Variants in DCLK1 observed in about 807,000 individuals in gnomAD.
DCLK1 encodes doublecortin like kinase 1, also known as serine/threonine-protein kinase DCLK1.
A neutral mutation model predicts 86.2 loss-of-function variants in DCLK1; 16 were observed. The observed-to-expected ratio is 0.19, with a 90% CI of 0.13 to 0.28. The LOEUF (loss-of-function observed/expected upper bound fraction) is 0.28, where lower values mean the gene tolerates loss of function less well. Ranked by LOEUF, DCLK1 falls within the 10% of genes least tolerant of loss-of-function variation. The pLI, the probability that DCLK1 is intolerant of heterozygous loss-of-function variation, is 1.00. For synonymous variants in DCLK1, 369 were observed against 370.5 expected (o/e 1.00, Z 0.05); for missense variants, 590 against 940.2 (o/e 0.63, Z 4.87).
intron 5 of DCLK1, among the ~76,000 whole-genome samples, chr13:35,859,188 A>T (rs1871247157): frequency 6.6e-6 from 1 of 152,208 alleles, no homozygotes; most frequent in African/African-American, 2.4e-5. Flanking sequence ...AATTAAACTA[A>T]CACGGTTGTT....
At chr13:36,038,568 G>A (rs1260844974) in intron 3 of DCLK1, among the ~76,000 whole-genome samples, 2 of 152,192 alleles carry the variant, frequency 1.3e-5, no homozygotes, top group Admixed American at 6.5e-5. Flanking sequence ...GGCTTTTCCA[G>A]TACATGTTCC....
chr13:35,924,324 A>T (rs1426607671), intron 4 of DCLK1, among the ~76,000 whole-genome samples: 1 of 152,098 alleles, frequency 6.6e-6, no homozygotes, highest in Non-Finnish European at 1.5e-5. Flanking sequence ...CACCGTCAAG[A>T]CCAAGTCCTG....
chr13:36,054,697 C>T (rs1883240682), intron 3 of DCLK1, among the ~76,000 whole-genome samples: 1 of 152,010 alleles, frequency 6.6e-6, no homozygotes, highest in African/African-American at 2.4e-5. Context: ...TGAGCAGAGA[C>T]CTGAAAAATA....
intron 2 of DCLK1, among the ~76,000 whole-genome samples, chr13:36,119,480 G>A (rs9315388): frequency 0.14 from 21,749 of 152,118 alleles, 2,553 homozygotes; most frequent in African/African-American, 0.3. Flanking sequence ...GTTTCTTCCC[G>A]AAATATTAGT....
chr13:36,106,787 T>C (rs1181811190), intron 3 of DCLK1, among the ~76,000 whole-genome samples: 1 of 152,182 alleles, frequency 6.6e-6, no homozygotes, highest in Non-Finnish European at 1.5e-5. Context: ...AACCTCTAGT[T>C]TCCACATTTT....
chr13:35,848,942 G>A (rs1349577291), intron 6 of DCLK1: 4 of 985,348 alleles, frequency 4.1e-6, no homozygotes, highest in Non-Finnish European at 2.4e-6. Flanking sequence ...ATCTCAGCAG[G>A]AGTCTCTGGT....
chr13:35,779,271 C>A (rs555212642), intron 16 of DCLK1, among the ~76,000 whole-genome samples: 1 of 152,098 alleles, frequency 6.6e-6, no homozygotes, highest in Non-Finnish European at 1.5e-5. Flanking sequence ...CCACTGCGCC[C>A]GGCCAATTTA....
At chr13:36,053,711 C>T (rs753721196) in intron 3 of DCLK1, among the ~76,000 whole-genome samples, 14 of 151,792 alleles carry the variant, frequency 9.2e-5, no homozygotes, top group African/African-American at 1.9e-4. Flanking sequence ...ACAGTGCTGC[C>T]GGGTGGGGGG....
At chr13:36,130,029 T>C (rs768465072) in intron 1 of DCLK1, among the ~76,000 whole-genome samples, 2 of 152,142 alleles carry the variant, frequency 1.3e-5, no homozygotes, top group Non-Finnish European at 2.9e-5. Context: ...AAGGCATATT[T>C]TAACCGTGGG....
At chr13:35,819,160 T>C (rs2087337422) in intron 11 of DCLK1, among the ~76,000 whole-genome samples, 1 of 152,146 alleles carries the variant, frequency 6.6e-6, no homozygotes, top group South Asian at 2.1e-4. Flanking sequence ...TGTAAAATCA[T>C]GGGCATGATC....
intron 3 of DCLK1, among the ~76,000 whole-genome samples, chr13:36,064,897 C>T (rs1156540476): frequency 6.6e-6 from 1 of 152,110 alleles, no homozygotes; most frequent in East Asian, 1.9e-4. Context: ...GACCTCATTA[C>T]CTTTTCTTAA....
At position 36,097,514 on chromosome 13, in the gene DCLK1, A is replaced by G. The variant is rs538867278; in HGVS notation, c.723+14355T>C. 5.9e-5 allele frequency among the ~76,000 whole-genome samples: 9 copies of G among 152,216 alleles called. No individual in the cohort carries two copies. The South Asian group carries it at 1.9e-3, about 32-fold the overall frequency. On this transcript the variant is annotated intron_variant, in intron 3 of 16. Transcript: ENST00000360631. ...ACATTAAAAATGTTCTTTTTCCACT[A>G]TTGGGAATATAAATTTTTATAATAA...
intron 4 of DCLK1, among the ~76,000 whole-genome samples, chr13:35,916,892 T>C (rs908327649): frequency 1.3e-5 from 2 of 152,198 alleles, no homozygotes; most frequent in Admixed American, 1.3e-4. Context: ...CCTTCTCTCC[T>C]GCAGCAGGTC....
At chr13:35,838,287 G>A (rs1045305996) in intron 7 of DCLK1, among the ~76,000 whole-genome samples, 4 of 151,938 alleles carry the variant, frequency 2.6e-5, no homozygotes, top group African/African-American at 9.7e-5. Context: ...TATAATAAAA[G>A]CACTTCCCAA....
rs11294824 is a variant in DCLK1 at position 35,976,525 on chromosome 13, G to GTT, written c.724-29070_724-29069dup. Among the ~76,000 whole-genome samples, 56 of 56,352 alleles carry GTT rather than the reference G, an allele frequency of 9.9e-4. 5 individuals carry two copies. Among genetic ancestry groups the GTT allele is most frequent in the East Asian group, 4.2e-3 (8 of 1,924 alleles). 37.0% of individuals were successfully genotyped at this position (56,352 alleles called of 152,430 possible). A position where few individuals can be genotyped will look rare whatever the true frequency, so the allele number is the denominator to read the frequency against. On this transcript the variant is annotated intron_variant, in intron 3 of 16. Transcript: ENST00000360631. ...CTCCCAGCACTTCAGCTTCTCCGAG[G>GTT]TTTTTTTTTTTTTTTTTTTTTTTGA... is the stretch of plus-strand genomic sequence containing the variant.
intron 3 of DCLK1, among the ~76,000 whole-genome samples, chr13:35,989,859 A>C (rs1339266659): frequency 6.6e-6 from 1 of 151,916 alleles, no homozygotes; most frequent in African/African-American, 2.4e-5. Flanking sequence ...GCAAAACATC[A>C]CCTTTATAAA....
intron 3 of DCLK1, among the ~76,000 whole-genome samples, chr13:36,071,450 TG>T (rs1883972706): frequency 2.6e-5 from 4 of 152,180 alleles, no homozygotes; most frequent in Admixed American, 2.6e-4. Flanking sequence ...TTAAGTAATA[TG>T]TACAGATAGT....
intron 14 of DCLK1, among the ~76,000 whole-genome samples, chr13:35,807,048 A>C (rs2087041648): frequency 6.6e-6 from 1 of 152,222 alleles, no homozygotes; most frequent in African/African-American, 2.4e-5. Context: ...ATTTCTCAAG[A>C]TAATTATTGA....
chr13:35,924,244 G>A (rs1018541510), intron 4 of DCLK1, among the ~76,000 whole-genome samples: 10 of 152,112 alleles, frequency 6.6e-5, no homozygotes, highest in Non-Finnish European at 1.3e-4. Context: ...AGATAAGTGG[G>A]GGCAAATCTT....
Sources: gnomAD v4.1 joint callset for allele counts (sites outside exome capture counted in the v4.1 genomes callset) on GRCh38, gnomAD v4.1.1 for gene constraint, MANE v1.5 for transcripts, NCBI Gene and HGNC (gene_info 2026-07-23, HGNC 2026-07-21) for gene names.